The following FXR1 variants were observed in gnomAD, a reference collection of about 807,000 sequenced individuals.
FXR1 encodes FMR1 autosomal homolog 1.
In FXR1, 15 loss-of-function variants were observed where a neutral mutation model predicts 84.0. The observed-to-expected ratio is 0.18, with a 90% confidence interval of 0.12 to 0.27. The LOEUF is 0.27. Ranked by LOEUF, FXR1 falls within the 10% of genes least tolerant of loss-of-function variation. FXR1 has a pLI of 1.00. For missense variants in FXR1, 480 were observed against 774.4 expected (o/e 0.62, Z 4.51); for synonymous variants, 245 against 250.7 (o/e 0.98, Z 0.21).
chr3:180,914,378 C>T (rs1717629336), intron 1 of FXR1, among the ~76,000 whole-genome samples: 1 of 151,974 alleles, frequency 6.6e-6, no homozygotes, highest in African/African-American at 2.4e-5. Flanking sequence ...ACCCCTTTCC[C>T]GAAAAGTTTT....
chr3:180,974,076 A>G (rs1713914891), intron 15 of FXR1, among the ~76,000 whole-genome samples: 1 of 152,178 alleles, frequency 6.6e-6, no homozygotes, highest in African/African-American at 2.4e-5. Context: ...ATTTTCTGAA[A>G]CAGTTTGCAA....
At chr3:180,915,866 G>C (rs1717832460) in intron 1 of FXR1, among the ~76,000 whole-genome samples, 1 of 152,176 alleles carries the variant, frequency 6.6e-6, no homozygotes. Flanking sequence ...AATTAGGGTA[G>C]CCTTTAAAAA....
intron 3 of FXR1, among the ~76,000 whole-genome samples, chr3:180,946,084 C>T (rs1037889884): frequency 8.5e-5 from 13 of 152,110 alleles, no homozygotes; most frequent in Admixed American, 2.0e-4. Flanking sequence ...TTCTTCTCTT[C>T]GCAATTATGA....
At chr3:180,942,794 G>C (rs980910712) in intron 3 of FXR1, among the ~76,000 whole-genome samples, 1 of 152,110 alleles carries the variant, frequency 6.6e-6, no homozygotes, top group Non-Finnish European at 1.5e-5. Flanking sequence ...TCTGTGGGGC[G>C]CTGTTATTCA....
intron 10 of FXR1, among the ~76,000 whole-genome samples, chr3:180,960,954 AC>A (rs1441710405): frequency 1.3e-5 from 2 of 152,198 alleles, no homozygotes; most frequent in Non-Finnish European, 2.9e-5. Flanking sequence ...ATTTCAACTT[AC>A]ATGGATTTTA....
intron 8 of FXR1, 99 bp from the exon 9 acceptor site, chr3:180,953,663 T>G: frequency 1.5e-6 from 1 of 663,490 alleles, no homozygotes; most frequent in Non-Finnish European, 2.7e-6. Context: ...TAGAACATAA[T>G]CATTCAGAAT....
At chr3:180,954,618 C>T (rs557061503) in intron 9 of FXR1, among the ~76,000 whole-genome samples, 17 of 152,158 alleles carry the variant, frequency 1.1e-4, no homozygotes, top group African/African-American at 4.1e-4. Flanking sequence ...ATTGACTTAC[C>T]TAAACATTTA....
At chr3:180,915,332 C>T in intron 1 of FXR1, 1 of 563,970 alleles carries the variant, frequency 1.8e-6, no homozygotes, top group Non-Finnish European at 3.1e-6. Flanking sequence ...CCGTCATGCC[C>T]TTTTCAGTCA....
At chr3:180,958,449 T>C (rs1377918388) in intron 10 of FXR1, among the ~76,000 whole-genome samples, 2 of 152,208 alleles carry the variant, frequency 1.3e-5, no homozygotes, top group Non-Finnish European at 2.9e-5. Context: ...CCTTTGCGTC[T>C]TCATAGCTAA....
rs139125551 is a variant in FXR1, at chr3:180,956,345, C to G, written c.881-1474C>G. Among the ~76,000 whole-genome samples the G allele has an allele frequency of 7.1e-3, 1,074 of 152,242 alleles. 15 individuals are homozygous for G. Among genetic ancestry groups the G allele is most frequent in the African/African-American group, 0.025 (1,019 of 41,534 alleles). On this transcript the variant is annotated intron_variant, in intron 9 of 16. Transcript: ENST00000357559. ...ATACTACAGGTCTACTTCAGTTTGT[C>G]AATATGGTCTGGAATTTAAACTATG...
intron 12 of FXR1, 32 bp from the exon 13 acceptor site, chr3:180,962,996 C>A: frequency 6.2e-7 from 1 of 1,606,054 alleles, no homozygotes; most frequent in African/African-American, 1.3e-5. Context: ...AAGGATATGC[C>A]ACTGATGAAA....
At chr3:180,963,112 T>G (rs766390443) in intron 13 of FXR1, 22 bp downstream of exon 13, 6 of 1,069,214 alleles carry the variant, frequency 5.6e-6, no homozygotes, top group Non-Finnish European at 7.0e-6. Context: ...TTTTTTTTTT[T>G]TTTTTTTGGT....
intron 13 of FXR1, among the ~76,000 whole-genome samples, chr3:180,965,453 A>G (rs1712698949): frequency 6.6e-6 from 1 of 151,956 alleles, no homozygotes; most frequent in African/African-American, 2.4e-5. Context: ...ATAAATTATC[A>G]CAAACTTAGA....
At chr3:180,963,143 T>G (rs1240920881) in intron 13 of FXR1, 53 bp downstream of exon 13, 1 of 730,858 alleles carries the variant, frequency 1.4e-6, no homozygotes, top group South Asian at 1.6e-5. Flanking sequence ...ATAGTAGTTA[T>G]AGTTTAGGTG....
At chr3:180,922,067 A>G (rs1367976438) in intron 1 of FXR1, among the ~76,000 whole-genome samples, 1 of 152,248 alleles carries the variant, frequency 6.6e-6, no homozygotes, top group African/African-American at 2.4e-5. Context: ...TTAAGGTTAT[A>G]TAATCATAAC....
intron 1 of FXR1, chr3:180,915,697 G>A (rs1805564): frequency 0.19 from 134,535 of 698,260 alleles, 14,089 homozygotes; most frequent in South Asian, 0.24. Flanking sequence ...ACATTTGGCC[G>A]TAAGTGTGAA....
rs142997421 is a variant in FXR1, at chr3:180,940,951, G to T, written c.198+5720G>T. Among the ~76,000 whole-genome samples the T allele has an allele frequency of 3.8e-4, 58 of 152,258 alleles. 1 individual carries two copies. In the East Asian group the frequency reaches 0.01, roughly 27 times the overall value. On this transcript the variant is annotated intron_variant, in intron 3 of 16. Transcript: ENST00000357559. Reference sequence around the variant, plus strand: ...TTTTAAAAACCTGTTTTTGAACTGTGAGGTTTTCTGGTTTAGTATTCATAG... The same window carrying T: ...TTTTAAAAACCTGTTTTTGAACTGTTAGGTTTTCTGGTTTAGTATTCATAG...
At position 180,975,485 on chromosome 3, in the gene FXR1, G is replaced by T. The variant is rs548555339; in HGVS notation, c.1695+81G>T. ...GCTTTATTTTTTTACTACTTTTACT[G>T]TGTGATCACTTGTTTCCACAAATAG... On this transcript the variant is annotated intron_variant, in intron 16 of 16. Coordinates refer to ENST00000357559, the MANE Select transcript of FXR1 (RefSeq NM_005087.4). 75 of 543,912 alleles carry T rather than the reference G, an allele frequency of 1.4e-4. No homozygotes were observed. The African/African-American group carries it at 1.4e-3, about 10-fold the overall frequency. 33.7% of individuals were successfully genotyped at this position (543,912 alleles called of 1,614,324 possible). A position where few individuals can be genotyped will look rare whatever the true frequency, so the allele number is the denominator to read the frequency against.
chr3:180,950,451 T>C (rs555863521), intron 7 of FXR1, among the ~76,000 whole-genome samples: 14 of 152,352 alleles, frequency 9.2e-5, no homozygotes, highest in African/African-American at 3.1e-4. Context: ...TAAAAAAATT[T>C]ATGTGGGTTT....
Sources: gnomAD v4.1 joint callset for allele counts (sites outside exome capture counted in the v4.1 genomes callset) on GRCh38, gnomAD v4.1.1 for gene constraint, MANE v1.5 for transcripts, NCBI Gene and HGNC (gene_info 2026-07-23, HGNC 2026-07-21) for gene names.